Variants in PARD3B observed in about 807,000 individuals in gnomAD.
PARD3B encodes par-3 family cell polarity regulator beta.
Under a neutral mutation model 130.2 loss-of-function variants are expected in PARD3B, and 103 were observed. The observed-to-expected ratio is 0.79, with a 90% CI of 0.67 to 0.93. PARD3B has a LOEUF of 0.93. Among genes scored for constraint, PARD3B ranks in the 40% least tolerant of loss-of-function variants. The probability of loss-of-function intolerance (pLI) is 0.00; values close to 1 mark genes in which losing one functional copy is unlikely to be tolerated. For synonymous variants in PARD3B, 583 were observed against 553.2 expected, an observed-to-expected ratio of 1.05 and a Z score of -0.76; for missense variants, 1,609 against 1,499.2, an observed-to-expected ratio of 1.07 and a Z score of -1.21.
At chr2:205,137,704 G>T (rs981328341) in intron 10 of PARD3B, among the ~76,000 whole-genome samples, 3 of 152,194 alleles carry the variant, frequency 2.0e-5, no homozygotes, top group Admixed American at 6.5e-5. Flanking sequence ...GGAAGGCCCA[G>T]AATGGCCTTC....
chr2:205,002,290 A>T (rs1284056928), intron 3 of PARD3B, among the ~76,000 whole-genome samples: 1 of 152,146 alleles, frequency 6.6e-6, no homozygotes, highest in Non-Finnish European at 1.5e-5. Context: ...TAAAGCTTTA[A>T]ATAGGTCACA....
At position 205,011,587 on chromosome 2, in the gene PARD3B, TAA is replaced by T; in HGVS notation, c.395-35992_395-35991del. Among the ~76,000 whole-genome samples, 1 of 152,196 alleles carries T rather than the reference TAA, an allele frequency of 6.6e-6. No homozygotes were observed. The highest frequency in any genetic ancestry group is 1.9e-4 in the East Asian group (1 of 5,186). ...CACTGTAGGAAGGAACTACATAGTG[TAA>T]ATCCAGGCAGTGGGGCTTGCTAGGT... On this transcript the variant is annotated intron_variant, in intron 3 of 22. Transcript: ENST00000406610. This position sits in a 1 kb window ranked among gnomAD's most constrained non-coding sequence, Gnocchi z 4.1.
chr2:205,001,492 A>G (rs984530182), intron 3 of PARD3B, among the ~76,000 whole-genome samples: 1 of 152,174 alleles, frequency 6.6e-6, no homozygotes, highest in Non-Finnish European at 1.5e-5. Context: ...GGCTCTCCAG[A>G]ACAATAGCTT....
Position 204,761,939 on chromosome 2 carries a change from A to G in PARD3B, c.222+75657A>G, listed in dbSNP as rs189380924. Among the ~76,000 whole-genome samples, 31 of 152,086 alleles carry G rather than the reference A, an allele frequency of 2.0e-4. No individual in the cohort carries two copies. The East Asian group carries it at 3.5e-3, about 17-fold the overall frequency. On this transcript the variant is annotated intron_variant, in intron 2 of 22. Transcript: ENST00000406610. ...GATATTTTTATGAATCAGGCTTTCA[A>G]TTTCAAAAATCAGCTTTTGCTTTTT... is the stretch of plus-strand genomic sequence containing the variant.
intron 18 of PARD3B, among the ~76,000 whole-genome samples, chr2:205,314,768 T>C (rs1196086446): frequency 6.6e-6 from 1 of 152,216 alleles, no homozygotes; most frequent in African/African-American, 2.4e-5. Context: ...TTCTGCACAG[T>C]GGCCCTGCCA....
chr2:205,313,120 C>T (rs188518109), intron 18 of PARD3B, among the ~76,000 whole-genome samples: 160 of 152,046 alleles, frequency 1.1e-3, no homozygotes, highest in African/African-American at 3.4e-3. Context: ...AAAATGATGG[C>T]GATAGATGCA....
At chr2:204,771,779 CT>C (rs1197797338) in intron 2 of PARD3B, among the ~76,000 whole-genome samples, 1 of 151,920 alleles carries the variant, frequency 6.6e-6, no homozygotes. Flanking sequence ...TACTTTGTTG[CT>C]TTTTTATATC....
chr2:205,576,663 C>A (rs2053770922), intron 22 of PARD3B, among the ~76,000 whole-genome samples: 1 of 152,158 alleles, frequency 6.6e-6, no homozygotes, highest in South Asian at 2.1e-4. Flanking sequence ...TTTGTCTATT[C>A]TTTCACCAAT....
At chr2:204,754,552 T>G (rs2040589362) in intron 2 of PARD3B, among the ~76,000 whole-genome samples, 1 of 152,200 alleles carries the variant, frequency 6.6e-6, no homozygotes, top group Admixed American at 6.6e-5. Flanking sequence ...GTAAAACATT[T>G]AGAATGTCTG....
chr2:205,613,367 A>G (rs1215474848), intron 22 of PARD3B, among the ~76,000 whole-genome samples: 1 of 152,228 alleles, frequency 6.6e-6, no homozygotes, highest in African/African-American at 2.4e-5. Flanking sequence ...TGTATCGGAT[A>G]TCTCCAACAT....
Position 205,245,737 on chromosome 2 carries a change from A to G in PARD3B, c.2141-41A>G, listed in dbSNP as rs374268403. The G allele has an allele frequency of 1.1e-5, 16 of 1,487,356 alleles. No homozygotes were observed. The African/African-American group carries it at 2.2e-4, about 21-fold the overall frequency. The allele number at this position is 1,487,356 out of a possible 1,614,324, so 92.1% of individuals were successfully genotyped here. On this transcript the variant is annotated intron_variant, in intron 15 of 22. Coordinates refer to ENST00000406610, the MANE Select transcript of PARD3B (RefSeq NM_001302769.2). ...ACTGTTTAAAAATTGTCTGATTTAC[A>G]AGCCGGTCTGATCCTTGTCTCTTTT...
chr2:204,631,574 A>C (rs2034682694), intron 1 of PARD3B, among the ~76,000 whole-genome samples: 1 of 152,140 alleles, frequency 6.6e-6, no homozygotes. Context: ...CCAGCTTGCC[A>C]TTCTGTGTCT....
chr2:205,556,028 T>A (rs1330802076), intron 22 of PARD3B, among the ~76,000 whole-genome samples: 1 of 152,162 alleles, frequency 6.6e-6, no homozygotes, highest in Non-Finnish European at 1.5e-5. Context: ...TTTCTTGTCT[T>A]TCCCCCTGGA....
intron 3 of PARD3B, among the ~76,000 whole-genome samples, chr2:205,020,182 A>T (rs1188616352): frequency 1.3e-5 from 2 of 152,080 alleles, no homozygotes; most frequent in Non-Finnish European, 2.9e-5. Context: ...CATCCTTAAG[A>T]CTTGGGGACA....
chr2:205,575,113 A>ACACG lies in PARD3B; in HGVS notation c.3260+21711_3260+21712insACGC, dbSNP rs141496657. On this transcript the variant is annotated intron_variant, in intron 22 of 22. Coordinates refer to ENST00000406610, the MANE Select transcript of PARD3B (RefSeq NM_001302769.2). The surrounding 1 kb of genome is among the most constrained non-coding windows in gnomAD (Gnocchi z 4.6). ...CACACACACACACACACACACACAC[A>ACACG]CGCGTACACTATATATAAAAATATA... 3.0e-3 allele frequency among the ~76,000 whole-genome samples: 374 copies of ACACG among 126,356 alleles called. 1 individual carries two copies. Among genetic ancestry groups the ACACG allele is most frequent in the Middle Eastern group, 8.2e-3 (2 of 244 alleles). 82.9% of individuals were successfully genotyped at this position (126,356 alleles called of 152,430 possible). A position where few individuals can be genotyped will look rare whatever the true frequency, so the allele number is the denominator to read the frequency against.
rs552329314 is a variant in PARD3B at position 205,265,161 on chromosome 2, C to T, written c.2185+19339C>T. On this transcript the variant is annotated intron_variant, in intron 16 of 22. Transcript: ENST00000406610. This position sits in a 1 kb window ranked among gnomAD's most constrained non-coding sequence, Gnocchi z 4.3. ...ATGGTAATCGGTTCTGTTCTATTAG[C>T]CTCAGTGGTGTGAACATAGAGTTTC... is the stretch of plus-strand genomic sequence containing the variant. 6.6e-6 allele frequency among the ~76,000 whole-genome samples: 1 copy of T among 151,900 alleles called. No homozygotes were observed. Among genetic ancestry groups the T allele is most frequent in the Non-Finnish European group, 1.5e-5 (1 of 67,904 alleles).
intron 2 of PARD3B, among the ~76,000 whole-genome samples, chr2:204,869,092 G>T (rs922434931): frequency 2.6e-5 from 4 of 152,112 alleles, no homozygotes; most frequent in Non-Finnish European, 5.9e-5. Context: ...AAAGGTTTTT[G>T]TTGCTATCAA....
intron 1 of PARD3B, among the ~76,000 whole-genome samples, chr2:204,655,654 G>A (rs1443641548): frequency 1.3e-5 from 2 of 152,208 alleles, no homozygotes; most frequent in Non-Finnish European, 2.9e-5. Flanking sequence ...GTTGTCCTAT[G>A]ATGTGATAAG....
At chr2:205,194,981 T>C (rs1412811294) in intron 15 of PARD3B, among the ~76,000 whole-genome samples, 2 of 144,756 alleles carry the variant, frequency 1.4e-5, no homozygotes, top group East Asian at 2.0e-4. Flanking sequence ...GTATTTTTAG[T>C]AGAGATGGGG....
Sources: gnomAD v4.1 joint callset for allele counts (sites outside exome capture counted in the v4.1 genomes callset) on GRCh38, gnomAD v4.1.1 for gene constraint, Gnocchi (gnomAD v3.1) non-coding constraint, MANE v1.5 for transcripts, NCBI Gene and HGNC (gene_info 2026-07-23, HGNC 2026-07-21) for gene names.